The following GRID2 variants were observed in gnomAD, a reference collection of about 807,000 sequenced individuals.
GRID2 encodes glutamate ionotropic receptor delta type subunit 2.
A neutral mutation model predicts 114.8 loss-of-function variants in GRID2; 33 were observed. The ratio of observed to expected loss-of-function variants is 0.29; its 90% CI spans 0.22 to 0.38. GRID2 has a LOEUF of 0.38. Among genes scored for constraint, GRID2 ranks in the 10% least tolerant of loss-of-function variants. The pLI is 1.00. For missense variants in GRID2, 1,184 were observed against 1,257.7 expected, an observed-to-expected ratio of 0.94 and a Z score of 0.89; for synonymous variants, 505 against 449.9, an observed-to-expected ratio of 1.12 and a Z score of -1.55.
At chr4:93,502,725 C>G (rs1283584124) in intron 12 of GRID2, among the ~76,000 whole-genome samples, 6 of 107,214 alleles carry the variant, frequency 5.6e-5, no homozygotes, top group Non-Finnish European at 7.8e-5. Flanking sequence ...CCCACACACA[C>G]ACGCACACCA....
At chr4:93,605,552 A>G (rs1047732736) in intron 13 of GRID2, among the ~76,000 whole-genome samples, 5 of 152,214 alleles carry the variant, frequency 3.3e-5, no homozygotes, top group African/African-American at 1.2e-4. Flanking sequence ...CTTATTACCA[A>G]TGTTTGAGAA....
intron 2 of GRID2, among the ~76,000 whole-genome samples, chr4:92,730,106 C>T (rs1343997507): frequency 6.6e-6 from 1 of 151,978 alleles, no homozygotes; most frequent in Non-Finnish European, 1.5e-5. Flanking sequence ...AATTATATCA[C>T]ATAGAACTCC....
At chr4:93,288,712 T>A (rs1308116114) in intron 8 of GRID2, among the ~76,000 whole-genome samples, 1 of 152,166 alleles carries the variant, frequency 6.6e-6, no homozygotes, top group Admixed American at 6.5e-5. Flanking sequence ...AGAGTAAAAA[T>A]TTGTGTTTCT....
chr4:92,789,745 T>C (rs535068506), intron 2 of GRID2, among the ~76,000 whole-genome samples: 28 of 152,072 alleles, frequency 1.8e-4, no homozygotes, highest in African/African-American at 6.0e-4. Context: ...TTTGATGTCC[T>C]TACAGTTTTA....
chr4:93,300,548 A>G (rs1302060032), intron 8 of GRID2, among the ~76,000 whole-genome samples: 1 of 152,130 alleles, frequency 6.6e-6, no homozygotes, highest in Non-Finnish European at 1.5e-5. Flanking sequence ...CATCAGTACA[A>G]ATATCAACAT....
chr4:93,597,093 C>G (rs1239401129), intron 13 of GRID2, among the ~76,000 whole-genome samples: 1 of 152,106 alleles, frequency 6.6e-6, no homozygotes, highest in African/African-American at 2.4e-5. Flanking sequence ...GAGCAGAAAT[C>G]TAAAGTGAAA....
At chr4:92,711,217 A>G (rs2149309611) in intron 2 of GRID2, among the ~76,000 whole-genome samples, 1 of 152,308 alleles carries the variant, frequency 6.6e-6, no homozygotes, top group Non-Finnish European at 1.5e-5. Flanking sequence ...CTTTAGAGAC[A>G]TGCTAATGGC....
chr4:93,531,712 T>G (rs1691643710), intron 13 of GRID2, among the ~76,000 whole-genome samples: 2 of 152,126 alleles, frequency 1.3e-5, no homozygotes, highest in South Asian at 4.1e-4. Context: ...TTGTATACAA[T>G]ATGTATATAC....
intron 1 of GRID2, among the ~76,000 whole-genome samples, chr4:92,344,515 A>G (rs1379727910): frequency 1.3e-5 from 2 of 152,198 alleles, no homozygotes; most frequent in African/African-American, 2.4e-5. Flanking sequence ...CAAAACAAGA[A>G]GATTTATTTT....
intron 2 of GRID2, among the ~76,000 whole-genome samples, chr4:92,990,970 G>T (rs1393238567): frequency 6.6e-6 from 1 of 152,158 alleles, no homozygotes; most frequent in Non-Finnish European, 1.5e-5. Context: ...ATTATGAAAA[G>T]TGGGCAATAA....
At chr4:93,254,183 A>G (rs1004141703) in intron 8 of GRID2, among the ~76,000 whole-genome samples, 5 of 152,078 alleles carry the variant, frequency 3.3e-5, no homozygotes, top group African/African-American at 1.2e-4. Flanking sequence ...ACTTACTGGT[A>G]GTGAATTTTG....
chr4:93,638,198 A>G (rs994662111), intron 14 of GRID2, among the ~76,000 whole-genome samples: 5 of 151,988 alleles, frequency 3.3e-5, no homozygotes, highest in Non-Finnish European at 7.4e-5. Flanking sequence ...CATTTTATAA[A>G]GCTCTTTATT....
intron 11 of GRID2, among the ~76,000 whole-genome samples, chr4:93,478,832 G>T (rs1725578951): frequency 6.6e-6 from 1 of 151,994 alleles, no homozygotes; most frequent in African/African-American, 2.4e-5. Flanking sequence ...TAAATATTAA[G>T]TCAGAGAAGT....
chr4:93,190,340 A>T (rs1477942107), intron 4 of GRID2, among the ~76,000 whole-genome samples: 1 of 152,128 alleles, frequency 6.6e-6, no homozygotes, highest in Non-Finnish European at 1.5e-5. Flanking sequence ...ATAGCCATTG[A>T]CTTAATAAAG....
intron 14 of GRID2, among the ~76,000 whole-genome samples, chr4:93,636,018 C>G (rs945225903): frequency 7.9e-5 from 12 of 152,290 alleles, no homozygotes; most frequent in African/African-American, 2.9e-4. Flanking sequence ...TTAAGTGATA[C>G]AAATTTCCAT....
At chr4:93,236,795 A>G (rs1194227743) in intron 7 of GRID2, among the ~76,000 whole-genome samples, 1 of 152,076 alleles carries the variant, frequency 6.6e-6, no homozygotes, top group Non-Finnish European at 1.5e-5. Flanking sequence ...TATTTTCCAA[A>G]GCCATCTAAA....
intron 4 of GRID2, among the ~76,000 whole-genome samples, chr4:93,135,101 C>G (rs1735126541): frequency 6.6e-6 from 1 of 152,094 alleles, no homozygotes; most frequent in Non-Finnish European, 1.5e-5. Flanking sequence ...TAGTTTTAAA[C>G]AATTATCTTT....
Position 93,615,776 on chromosome 4 carries a change from ATT to A in GRID2, c.2194-10492_2194-10491del, listed in dbSNP as rs924975020. ...AGTAGTTGTATTTTTTTAATGTGTC[ATT>A]GTTTCACTCTGAGTTTTTGTTACAA... On this transcript the variant is annotated intron_variant, in intron 13 of 15. Transcript: ENST00000282020. Among the ~76,000 whole-genome samples, 17 of 151,462 alleles carry A rather than the reference ATT, an allele frequency of 1.1e-4. No individual in the cohort carries two copies. In the South Asian group the frequency reaches 3.3e-3, roughly 30 times the overall value.
intron 2 of GRID2, among the ~76,000 whole-genome samples, chr4:92,940,493 T>A (rs541475482): frequency 6.6e-6 from 1 of 152,120 alleles, no homozygotes. Context: ...TTTCTAGATA[T>A]ACAATCCTGT....
Sources: gnomAD v4.1 joint callset for allele counts (sites outside exome capture counted in the v4.1 genomes callset) on GRCh38, gnomAD v4.1.1 for gene constraint, MANE v1.5 for transcripts, NCBI Gene and HGNC (gene_info 2026-07-23, HGNC 2026-07-21) for gene names.